ZDHHC14: variants seen among roughly 807,000 people sequenced by gnomAD.
ZDHHC14 encodes palmitoyltransferase ZDHHC14.
A neutral mutation model predicts 47.7 loss-of-function variants in ZDHHC14; 16 were observed. That is an observed-to-expected ratio of 0.34 (90% CI 0.23 to 0.51). The LOEUF (loss-of-function observed/expected upper bound fraction) is 0.51, where lower values mean the gene tolerates loss of function less well. ZDHHC14 is among the 20% of genes least tolerant of loss of function. The pLI is 0.97. For synonymous variants in ZDHHC14, 293 were observed against 278.9 expected (o/e 1.05, Z -0.50); for missense variants, 515 against 662.5 (o/e 0.78, Z 2.44).
chr6:157,466,945 T>C (rs1779233114), intron 1 of ZDHHC14, among the ~76,000 whole-genome samples: 1 of 152,086 alleles, frequency 6.6e-6, no homozygotes, highest in Non-Finnish European at 1.5e-5. Context: ...AACTGCGCAG[T>C]AGCTGCCCTC....
intron 1 of ZDHHC14, among the ~76,000 whole-genome samples, chr6:157,465,508 A>G (rs1034493467): frequency 1.3e-5 from 2 of 152,168 alleles, no homozygotes; most frequent in Non-Finnish European, 2.9e-5. Context: ...CGGGAAATGA[A>G]ATAAAATGGA....
intron 7 of ZDHHC14, 86 bp from the exon 8 acceptor site, chr6:157,653,439 G>C: frequency 7.1e-7 from 1 of 1,414,890 alleles, no homozygotes; most frequent in Non-Finnish European, 9.8e-7. Context: ...GGAAGAGGGA[G>C]CCCCGACGCG....
chr6:157,413,366 C>G (rs1777909218), intron 1 of ZDHHC14, among the ~76,000 whole-genome samples: 1 of 152,172 alleles, frequency 6.6e-6, no homozygotes, highest in Non-Finnish European at 1.5e-5. Context: ...TGATGAACAG[C>G]TGTTCTCGTC....
At chr6:157,608,720 A>G (rs896598903) in intron 3 of ZDHHC14, among the ~76,000 whole-genome samples, 7 of 152,200 alleles carry the variant, frequency 4.6e-5, no homozygotes, top group African/African-American at 1.7e-4. Flanking sequence ...TTTTGATCTT[A>G]TCTGAGGACA....
At chr6:157,481,682 A>G (rs1325149988) in intron 1 of ZDHHC14, among the ~76,000 whole-genome samples, 1 of 152,084 alleles carries the variant, frequency 6.6e-6, no homozygotes, top group Non-Finnish European at 1.5e-5. Context: ...CACAAACGTC[A>G]CCTCTTCCAG....
At chr6:157,561,926 AG>A (rs1219962117) in intron 2 of ZDHHC14, among the ~76,000 whole-genome samples, 1 of 152,172 alleles carries the variant, frequency 6.6e-6, no homozygotes, top group East Asian at 1.9e-4. Flanking sequence ...TGAATTTAAA[AG>A]TTAAACGCAG....
chr6:157,453,906 C>G (rs1778859084), intron 1 of ZDHHC14, among the ~76,000 whole-genome samples: 2 of 152,052 alleles, frequency 1.3e-5, no homozygotes, highest in South Asian at 4.2e-4. Flanking sequence ...TGAAAATAAG[C>G]CTCCTGATTA....
chr6:157,451,981 G>T (rs531360586), intron 1 of ZDHHC14, among the ~76,000 whole-genome samples: 3 of 152,292 alleles, frequency 2.0e-5, no homozygotes, highest in African/African-American at 4.8e-5. Flanking sequence ...GGGCTGTGGG[G>T]CCCAAAGGGG....
chr6:157,637,730 T>C (rs564735763), intron 5 of ZDHHC14, among the ~76,000 whole-genome samples: 2 of 152,338 alleles, frequency 1.3e-5, no homozygotes, highest in African/African-American at 4.8e-5. Flanking sequence ...ACATTTTCAG[T>C]GACCTCATAT....
At chr6:157,387,619 A>G (rs1429402781) in intron 1 of ZDHHC14, among the ~76,000 whole-genome samples, 1 of 152,160 alleles carries the variant, frequency 6.6e-6, no homozygotes, top group Non-Finnish European at 1.5e-5. Flanking sequence ...GATGTTTATA[A>G]CCCACTGTGG....
rs1426122581 is a variant in ZDHHC14, at chr6:157,463,324, C to T, written c.246-79261C>T. On this transcript the variant is annotated intron_variant, in intron 1 of 8. Coordinates refer to ENST00000359775, the MANE Select transcript of ZDHHC14 (RefSeq NM_024630.3). This position sits in a 1 kb window ranked among gnomAD's most constrained non-coding sequence, Gnocchi z 4.4. ...AATAGTCCAGATTCATTATTTTTTC[C>T]CCTCTTGCTATAAATGAAGATTTAT... is the stretch of plus-strand genomic sequence containing the variant. Among the ~76,000 whole-genome samples the T allele has an allele frequency of 6.6e-6, 1 of 152,026 alleles. No individual in the cohort carries two copies. Among genetic ancestry groups the T allele is most frequent in the Non-Finnish European group, 1.5e-5 (1 of 68,012 alleles).
At chr6:157,527,349 A>C (rs145702345) in intron 1 of ZDHHC14, among the ~76,000 whole-genome samples, 2,372 of 152,308 alleles carry the variant, frequency 0.016, 65 homozygotes, top group African/African-American at 0.054. Flanking sequence ...GAACAGGAAT[A>C]GTTGATATTC....
At chr6:157,505,785 G>A (rs1780311479) in intron 1 of ZDHHC14, among the ~76,000 whole-genome samples, 1 of 152,226 alleles carries the variant, frequency 6.6e-6, no homozygotes, top group African/African-American at 2.4e-5. Context: ...TCATCTTTGT[G>A]TAGAAGTATA....
intron 7 of ZDHHC14, among the ~76,000 whole-genome samples, chr6:157,650,417 C>T (rs906330545): frequency 2.0e-5 from 3 of 151,906 alleles, no homozygotes; most frequent in African/African-American, 7.3e-5. Flanking sequence ...AGGGGCGAGT[C>T]CAGGTGAGGA....
intron 1 of ZDHHC14, among the ~76,000 whole-genome samples, chr6:157,532,993 A>G (rs996387364): frequency 6.6e-6 from 1 of 152,228 alleles, no homozygotes; most frequent in African/African-American, 2.4e-5. Context: ...TAATTAAGAA[A>G]ATTTGGAAAC....
Position 157,498,570 on chromosome 6 carries a change from T to C in ZDHHC14, c.246-44015T>C, listed in dbSNP as rs915951900. Among the ~76,000 whole-genome samples, 4 of 152,210 alleles carry C rather than the reference T, an allele frequency of 2.6e-5. No individual in the cohort carries two copies. In the East Asian group the frequency reaches 5.8e-4, roughly 22 times the overall value. ...AGAACAGTAGGTACTGTTAGACAGA[T>C]ATTATTATCATTGCACTGATATTAT... On this transcript the variant is annotated intron_variant, in intron 1 of 8. Coordinates refer to ENST00000359775, the MANE Select transcript of ZDHHC14 (RefSeq NM_024630.3).
At chr6:157,542,459 A>G in intron 1 of ZDHHC14, 126 bp from the exon 2 acceptor site, 1 of 1,319,686 alleles carries the variant, frequency 7.6e-7, no homozygotes, top group Non-Finnish European at 1.0e-6. Context: ...TTTTTAATGG[A>G]AATCAATTTC....
intron 8 of ZDHHC14, among the ~76,000 whole-genome samples, chr6:157,660,223 A>C (rs1394580193): frequency 7.5e-6 from 1 of 134,100 alleles, no homozygotes; most frequent in Non-Finnish European, 1.6e-5. Flanking sequence ...ACGGAGTCTC[A>C]CTCTTTTCGC....
intron 1 of ZDHHC14, among the ~76,000 whole-genome samples, chr6:157,484,672 G>A (rs1375261960): frequency 6.6e-6 from 1 of 151,524 alleles, no homozygotes; most frequent in African/African-American, 2.4e-5. Flanking sequence ...CATTTACACT[G>A]CAATTACCAT....
Sources: allele counts gnomAD v4.1 joint callset (sites outside exome capture counted in the v4.1 genomes callset), GRCh38; gene constraint gnomAD v4.1.1; non-coding constraint Gnocchi (gnomAD v3.1); transcripts MANE v1.5; gene names NCBI Gene and HGNC (gene_info 2026-07-23, HGNC 2026-07-21).